GRID2: variants seen among roughly 807,000 people sequenced by gnomAD.
GRID2 encodes glutamate receptor ionotropic, delta-2.
In GRID2, 33 loss-of-function variants were observed where a neutral mutation model predicts 114.8. The ratio of observed to expected loss-of-function variants is 0.29; its 90% CI spans 0.22 to 0.38. The LOEUF is 0.38. Among genes scored for constraint, GRID2 ranks in the 10% least tolerant of loss-of-function variants. The probability of loss-of-function intolerance (pLI) is 1.00; values close to 1 mark genes in which losing one functional copy is unlikely to be tolerated. For synonymous variants in GRID2, 505 were observed against 449.9 expected, an observed-to-expected ratio of 1.12 and a Z score of -1.55; for missense variants, 1,184 against 1,257.7, an observed-to-expected ratio of 0.94 and a Z score of 0.89.
intron 4 of GRID2, among the ~76,000 whole-genome samples, chr4:93,120,772 T>C (rs1579046053): frequency 6.6e-6 from 1 of 152,052 alleles, no homozygotes; most frequent in East Asian, 1.9e-4. Context: ...GCTAACATGG[T>C]GAAACCCCAT....
chr4:93,528,352 C>A (rs1731125409), intron 13 of GRID2, among the ~76,000 whole-genome samples: 1 of 151,508 alleles, frequency 6.6e-6, no homozygotes, highest in Non-Finnish European at 1.5e-5. Context: ...AAGGAACTGC[C>A]ATACTGTTTT....
At chr4:93,202,350 T>A (rs577838928) in intron 4 of GRID2, among the ~76,000 whole-genome samples, 6 of 152,116 alleles carry the variant, frequency 3.9e-5, no homozygotes, top group African/African-American at 1.2e-4. Context: ...CCCAAACAAC[T>A]ATAATAATGA....
chr4:93,263,726 A>G (rs574956266), intron 8 of GRID2, among the ~76,000 whole-genome samples: 1 of 152,064 alleles, frequency 6.6e-6, no homozygotes, highest in Non-Finnish European at 1.5e-5. Context: ...TTTTCTTGTC[A>G]TTCTTTAGGG....
At chr4:92,418,993 G>T (rs959863101) in intron 1 of GRID2, among the ~76,000 whole-genome samples, 3 of 151,820 alleles carry the variant, frequency 2.0e-5, no homozygotes, top group Admixed American at 6.6e-5. Context: ...CCTTTCTCTC[G>T]TCTCTTTCTT....
chr4:93,079,272 A>G (rs932194687), intron 2 of GRID2, among the ~76,000 whole-genome samples: 2 of 151,950 alleles, frequency 1.3e-5, no homozygotes, highest in Non-Finnish European at 2.9e-5. Flanking sequence ...CCTTGTTGAA[A>G]TTTTCCTTTA....
intron 1 of GRID2, among the ~76,000 whole-genome samples, chr4:92,367,042 T>C (rs987824183): frequency 2.0e-5 from 3 of 152,142 alleles, no homozygotes; most frequent in African/African-American, 7.2e-5. Context: ...GCTCCTACCA[T>C]TGACATTCTG....
Position 93,085,128 on chromosome 4 carries a change from C to G in GRID2, c.378C>G (p.Thr126=). ...HLFIQRSTAG[T]PRSGCGLTRS... is the part of the protein sequence containing the mutation. ...TCATTCAGCGCTCAACAGCTGGGAC[C>G]CCAAGGAGTGGCTGTGGACTCACCC... The change falls in exon 3 of 16, where the codon ACC becomes ACG. Residue 126 remains threonine (T), a synonymous_variant. Coordinates refer to ENST00000282020, the MANE Select transcript of GRID2 (RefSeq NM_001510.4). 2.5e-6 allele frequency: 4 copies of G among 1,614,120 alleles called. No individual in the cohort carries two copies. The highest frequency in any genetic ancestry group is 2.5e-6 in the Non-Finnish European group (3 of 1,180,018).
intron 1 of GRID2, among the ~76,000 whole-genome samples, chr4:92,369,166 T>C (rs1019637502): frequency 6.6e-6 from 1 of 152,060 alleles, no homozygotes; most frequent in Non-Finnish European, 1.5e-5. Flanking sequence ...ATATGAAATA[T>C]ATTATTTTTT....
chr4:93,418,033 G>A (rs960337799), intron 9 of GRID2, among the ~76,000 whole-genome samples: 2 of 150,044 alleles, frequency 1.3e-5, no homozygotes, highest in African/African-American at 2.5e-5. Flanking sequence ...GATGTAATAC[G>A]TAAAACCAAG....
intron 14 of GRID2, among the ~76,000 whole-genome samples, chr4:93,661,434 C>A (rs1213355259): frequency 6.6e-6 from 1 of 152,124 alleles, no homozygotes; most frequent in Non-Finnish European, 1.5e-5. Flanking sequence ...TGCTGAAGTG[C>A]TGTCTGATAC....
intron 2 of GRID2, among the ~76,000 whole-genome samples, chr4:93,019,721 T>C (rs1723096749): frequency 6.6e-6 from 1 of 152,146 alleles, no homozygotes; most frequent in South Asian, 2.1e-4. Context: ...AAAGGATGCC[T>C]TCCCTTCACC....
At chr4:93,496,836 A>C (rs1727596197) in intron 12 of GRID2, among the ~76,000 whole-genome samples, 1 of 151,888 alleles carries the variant, frequency 6.6e-6, no homozygotes. Flanking sequence ...GCTTCTAAGA[A>C]CACTTACATG....
intron 8 of GRID2, among the ~76,000 whole-genome samples, chr4:93,265,595 T>A (rs540071912): frequency 2.6e-5 from 4 of 152,288 alleles, no homozygotes; most frequent in Non-Finnish European, 5.9e-5. Context: ...ATTACCAAAC[T>A]TCTAAATAAA....
At chr4:92,899,991 T>C (rs987713527) in intron 2 of GRID2, among the ~76,000 whole-genome samples, 27 of 151,802 alleles carry the variant, frequency 1.8e-4, no homozygotes, top group Non-Finnish European at 2.6e-4. Flanking sequence ...GTTCTAGAGA[T>C]GGAGGGGAAA....
chr4:92,519,123 C>G (rs1427373205), intron 1 of GRID2, among the ~76,000 whole-genome samples: 1 of 151,746 alleles, frequency 6.6e-6, no homozygotes, highest in Non-Finnish European at 1.5e-5. Context: ...TCAAATTTAA[C>G]CTTTATTTAG....
chr4:92,729,113 T>A (rs1263796160), intron 2 of GRID2, among the ~76,000 whole-genome samples: 1 of 152,088 alleles, frequency 6.6e-6, no homozygotes, highest in Non-Finnish European at 1.5e-5. Context: ...CACCTAGAGT[T>A]ATTCAAATTC....
intron 14 of GRID2, among the ~76,000 whole-genome samples, chr4:93,688,999 T>C (rs1255382003): frequency 6.6e-6 from 1 of 151,930 alleles, no homozygotes; most frequent in Non-Finnish European, 1.5e-5. Flanking sequence ...AAAGAGGTAA[T>C]TAAGTGAAAG....
At chr4:93,596,138 T>C (rs927870072) in intron 13 of GRID2, among the ~76,000 whole-genome samples, 2 of 152,246 alleles carry the variant, frequency 1.3e-5, no homozygotes, top group Non-Finnish European at 2.9e-5. Flanking sequence ...TAGTTCACTA[T>C]TGAGCCATTC....
intron 13 of GRID2, among the ~76,000 whole-genome samples, chr4:93,548,151 T>G (rs1733406655): frequency 6.6e-6 from 1 of 151,886 alleles, no homozygotes; most frequent in South Asian, 2.1e-4. Flanking sequence ...CCCTTCAGCC[T>G]GGGTGACAGA....
Sources: gnomAD v4.1 joint callset for allele counts (sites outside exome capture counted in the v4.1 genomes callset) on GRCh38, gnomAD v4.1.1 for gene constraint, MANE v1.5 for transcripts, NCBI Gene and HGNC (gene_info 2026-07-23, HGNC 2026-07-21) for gene names.